Variants in NRXN3 observed in about 807,000 individuals in gnomAD.
NRXN3 encodes neurexin 3, also known as neurexin III.
A neutral mutation model predicts 137.6 loss-of-function variants in NRXN3; 32 were observed. That is an observed-to-expected ratio of 0.23 (90% confidence interval 0.18 to 0.31). The LOEUF (loss-of-function observed/expected upper bound fraction) is 0.31. Among genes scored for constraint, NRXN3 ranks in the 10% least tolerant of loss-of-function variants. NRXN3 has a pLI of 1.00. For synonymous variants in NRXN3, 798 were observed against 784.5 expected, an observed-to-expected ratio of 1.02 and a Z score of -0.29; for missense variants, 1,574 against 2,062.5, an observed-to-expected ratio of 0.76 and a Z score of 4.59.
At chr14:79,379,374 C>T (rs2094399702) in intron 15 of NRXN3, among the ~76,000 whole-genome samples, 3 of 152,088 alleles carry the variant, frequency 2.0e-5, no homozygotes, top group Admixed American at 1.3e-4. Context: ...AAGGTACATT[C>T]CGTAAAGTGT....
intron 4 of NRXN3, among the ~76,000 whole-genome samples, chr14:78,382,743 C>CCCCT (rs1416004811): frequency 3.3e-5 from 5 of 152,144 alleles, no homozygotes; most frequent in Non-Finnish European, 7.3e-5. Context: ...TCTGAACAGG[C>CCCCT]CCCTATTCCC....
intron 8 of NRXN3, among the ~76,000 whole-genome samples, chr14:78,742,349 A>G (rs1420819459): frequency 6.6e-6 from 1 of 152,192 alleles, no homozygotes; most frequent in Non-Finnish European, 1.5e-5. Context: ...TGGAAGTTTC[A>G]CTGCTCCCAA....
chr14:79,489,286 TCTC>T (rs1841396933), intron 16 of NRXN3, among the ~76,000 whole-genome samples: 1 of 152,080 alleles, frequency 6.6e-6, no homozygotes, highest in Non-Finnish European at 1.5e-5. Flanking sequence ...GCTCATATTT[TCTC>T]CTCTCATGCT....
At chr14:78,954,497 C>T (rs61995261) in intron 10 of NRXN3, among the ~76,000 whole-genome samples, 5,145 of 152,132 alleles carry the variant, frequency 0.034, 164 homozygotes, top group African/African-American at 0.072. Flanking sequence ...TGGAGTCTCG[C>T]TCTGTCATCC....
chr14:79,720,575 A>G (rs1340347778), intron 19 of NRXN3, among the ~76,000 whole-genome samples: 1 of 152,228 alleles, frequency 6.6e-6, no homozygotes, highest in East Asian at 1.9e-4. Flanking sequence ...CTGGACCTCT[A>G]GAGAGCCATT....
intron 15 of NRXN3, among the ~76,000 whole-genome samples, chr14:79,448,621 G>T (rs536543881): frequency 6.6e-6 from 1 of 152,256 alleles, no homozygotes; most frequent in Non-Finnish European, 1.5e-5. Flanking sequence ...AGTGTGTGTA[G>T]CCATCCATAC....
intron 1 of NRXN3, among the ~76,000 whole-genome samples, chr14:78,190,610 C>CATTT (rs753449383): frequency 0.021 from 3,066 of 146,658 alleles, 49 homozygotes; most frequent in South Asian, 0.056. Flanking sequence ...GTGTCAGTAA[C>CATTT]ATTTATTTAT....
At chr14:79,777,836 G>T (rs1337712092) in intron 19 of NRXN3, among the ~76,000 whole-genome samples, 1 of 150,786 alleles carries the variant, frequency 6.6e-6, no homozygotes, top group Non-Finnish European at 1.5e-5. Context: ...AATTTAACAG[G>T]CTCCACACCA....
intron 8 of NRXN3, among the ~76,000 whole-genome samples, chr14:78,747,698 A>G (rs1442922930): frequency 6.6e-6 from 1 of 152,188 alleles, no homozygotes; most frequent in Non-Finnish European, 1.5e-5. Flanking sequence ...TTTGCTTGCT[A>G]CATGATAACT....
At chr14:79,049,753 A>G (rs1006753830) in intron 15 of NRXN3, among the ~76,000 whole-genome samples, 1 of 152,150 alleles carries the variant, frequency 6.6e-6, no homozygotes, top group Non-Finnish European at 1.5e-5. Flanking sequence ...AAAAAATACA[A>G]TATATATAAA....
chr14:78,987,525 TCTC>T (rs2099509410), intron 14 of NRXN3, among the ~76,000 whole-genome samples: 1 of 147,074 alleles, frequency 6.8e-6, no homozygotes, highest in Non-Finnish European at 1.5e-5. Context: ...TCCTCCTTCT[TCTC>T]CTTCTCTTCC....
intron 1 of NRXN3, among the ~76,000 whole-genome samples, chr14:78,215,770 GT>G (rs1403013372): frequency 3.3e-4 from 29 of 87,680 alleles, no homozygotes; most frequent in African/African-American, 9.5e-4. Flanking sequence ...CTGCAGGGGG[GT>G]GGGGGGGGCA....
At chr14:78,734,725 C>T (rs2098533811) in intron 8 of NRXN3, among the ~76,000 whole-genome samples, 1 of 152,110 alleles carries the variant, frequency 6.6e-6, no homozygotes, top group Admixed American at 6.5e-5. Flanking sequence ...AAGATGGATG[C>T]AGTCTTCTAG....
At chr14:79,645,397 CCT>C (rs2098448895) in intron 16 of NRXN3, among the ~76,000 whole-genome samples, 1 of 133,920 alleles carries the variant, frequency 7.5e-6, no homozygotes, top group African/African-American at 2.5e-5. Flanking sequence ...AGGTAGATCA[CCT>C]GAGGTCAGGA....
At chr14:79,138,533 A>G (rs1370283476) in intron 15 of NRXN3, among the ~76,000 whole-genome samples, 1 of 152,264 alleles carries the variant, frequency 6.6e-6, no homozygotes, top group African/African-American at 2.4e-5. Context: ...TCTTGAAGAT[A>G]GGGGATAGCA....
chr14:79,705,969 G>A (rs943245167), intron 19 of NRXN3, among the ~76,000 whole-genome samples: 1 of 151,722 alleles, frequency 6.6e-6, no homozygotes, highest in African/African-American at 2.4e-5. Context: ...AGTCAATGTT[G>A]GTTGAAAGGT....
chr14:78,726,429 A>C (rs756917156), intron 8 of NRXN3, among the ~76,000 whole-genome samples: 1 of 150,424 alleles, frequency 6.6e-6, no homozygotes, highest in African/African-American at 2.5e-5. Context: ...TATGAGTGAG[A>C]ACATGTGGTA....
chr14:79,526,496 C>CA (rs1302472409), intron 16 of NRXN3, among the ~76,000 whole-genome samples: 2 of 152,212 alleles, frequency 1.3e-5, no homozygotes, highest in Non-Finnish European at 2.9e-5. Flanking sequence ...ACAATGTTAG[C>CA]ACTGGCCTCA....
chr14:78,250,009 C>T, intron 2 of NRXN3: 1 of 462,490 alleles, frequency 2.2e-6, no homozygotes, highest in Non-Finnish European at 4.3e-6. Context: ...GCTCCAGGCT[C>T]ACACTGTCTT....
Sources: gnomAD v4.1 joint callset for allele counts (sites outside exome capture counted in the v4.1 genomes callset) on GRCh38, gnomAD v4.1.1 for gene constraint, MANE v1.5 for transcripts, NCBI Gene and HGNC (gene_info 2026-07-23, HGNC 2026-07-21) for gene names.